UBN2: variants seen among roughly 807,000 people sequenced by gnomAD.
The protein encoded by UBN2 is ubinuclein 2.
In UBN2, 35 loss-of-function variants were observed where a neutral mutation model predicts 120.2. The observed-to-expected ratio is 0.29, with a 90% CI of 0.22 to 0.39. The LOEUF (loss-of-function observed/expected upper bound fraction) is 0.39. UBN2 is among the 10% of genes least tolerant of loss of function. The pLI is 1.00. For synonymous variants in UBN2, 661 were observed against 648.7 expected (o/e 1.02, Z -0.29); for missense variants, 1,693 against 1,663.2 (o/e 1.02, Z -0.31).
chr7:139,249,034 GTATGCA>G (rs1796547905), intron 2 of UBN2, among the ~76,000 whole-genome samples: 2 of 151,836 alleles, frequency 1.3e-5, no homozygotes, highest in African/African-American at 4.8e-5. Flanking sequence ...GTGTGTGTGT[GTATGCA>G]TGTATGCATG....
chr7:139,236,183 G>A (rs980719390), intron 1 of UBN2, among the ~76,000 whole-genome samples: 2 of 152,106 alleles, frequency 1.3e-5, no homozygotes, highest in Admixed American at 1.3e-4. Context: ...TAAATAGATG[G>A]TTAATGTGAG....
At chr7:139,244,821 T>C (rs1324659482) in intron 2 of UBN2, among the ~76,000 whole-genome samples, 2 of 152,186 alleles carry the variant, frequency 1.3e-5, no homozygotes, top group African/African-American at 4.8e-5. Context: ...CCTTTTCAAA[T>C]GCTTAGTGAA....
chr7:139,269,264 C>A, intron 7 of UBN2, 130 bp from the exon 8 acceptor site: 1 of 845,350 alleles, frequency 1.2e-6, no homozygotes, highest in Non-Finnish European at 1.7e-6. Flanking sequence ...TTATTTTTTC[C>A]ATGAAGAATA....
Position 139,302,337 on chromosome 7 carries a change from A to C in UBN2, c.*4501A>C, listed in dbSNP as rs528447035. 1.3e-5 allele frequency: 2 copies of C among 152,306 alleles called. No individual in the cohort carries two copies. Among genetic ancestry groups the C allele is most frequent in the East Asian group, 3.9e-4 (2 of 5,190 alleles). The allele number at this position is 152,306 out of a possible 1,614,324, so 9.4% of individuals were successfully genotyped here. ...ACACTCCCCTTTCCATGTTTGCAAA[A>C]CTTCTGCCTTGTTTATTCCATTGCT... On this transcript the variant is annotated 3_prime_UTR_variant, in exon 18 of 18. Transcript: ENST00000473989.
chr7:139,273,552 A>AATTG (rs938962716), intron 10 of UBN2, 142 bp downstream of exon 10: 138 of 562,900 alleles, frequency 2.5e-4, no homozygotes, highest in African/African-American at 2.4e-3. Context: ...AGAGAAGATT[A>AATTG]ATTGGGCTCT....
chr7:139,266,286 G>T, intron 6 of UBN2, 47 bp from the exon 7 acceptor site: 9 of 1,094,658 alleles, frequency 8.2e-6, no homozygotes, highest in Non-Finnish European at 1.2e-5. Context: ...ATGCAAAATA[G>T]AGTAATGGCC....
chr7:139,252,066 T>C lies in UBN2; in HGVS notation c.663+9T>C, dbSNP rs781706001. 4.3e-6 allele frequency: 7 copies of C among 1,609,922 alleles called. No homozygotes were observed. Among genetic ancestry groups the C allele is most frequent in the Admixed American group, 1.7e-5 (1 of 60,004 alleles). On this transcript the variant is annotated intron_variant, in intron 3 of 17. Coordinates refer to ENST00000473989, the MANE Select transcript of UBN2 (RefSeq NM_173569.4). ...TTGATAACTCAGAGGCTGTGAGTAA[T>C]GTATCTTTAATATAGCAGCAAATTC...
chr7:139,260,984 A>G (rs1796914589), intron 5 of UBN2, among the ~76,000 whole-genome samples: 1 of 152,192 alleles, frequency 6.6e-6, no homozygotes, highest in Non-Finnish European at 1.5e-5. Context: ...TAGGATTTAG[A>G]AAAGATTTCT....
chr7:139,240,028 A>G (rs934515467), intron 2 of UBN2, among the ~76,000 whole-genome samples: 2 of 152,234 alleles, frequency 1.3e-5, no homozygotes, highest in South Asian at 4.1e-4. Flanking sequence ...TCTGGCATAG[A>G]AAGATCAGCG....
rs749835629 is a variant in UBN2 at position 139,293,971 on chromosome 7, A to C, written c.3984A>C (p.Gln1328His). 2.9e-5 allele frequency: 46 copies of C among 1,614,036 alleles called. No homozygotes were observed. In the Admixed American group the frequency reaches 7.7e-4, roughly 27 times the overall value. The change falls in exon 17 of 18, where the codon CAA (glutamine) becomes CAC (histidine). Residue 1328 changes from glutamine to histidine, a missense_variant. Gln to His is a conservative substitution (Grantham distance 24, BLOSUM62 0). Around this residue, in one of 5 missense-constraint regions of UBN2, gnomAD observed 837 missense variants for 817.6 expected, o/e 1.02. Transcript: ENST00000473989. The part of the protein sequence containing the change: ...SHSPLPAHLQ[Q>H]AFHDGGQSKG... ...CACCTCTGCCTGCACACTTACAGCA[A>C]GCATTTCACGGTGAGAACGCCACCT... is the stretch of plus-strand genomic sequence containing the variant.
At chr7:139,311,122 A>C (rs1241612470), downstream of UBN2, among the ~76,000 whole-genome samples, 1 of 152,190 alleles carries the variant, frequency 6.6e-6, no homozygotes, top group Non-Finnish European at 1.5e-5. Flanking sequence ...TCAGTCTTTT[A>C]TTTAAGGTTT....
At chr7:139,297,181 G>A (rs1311520670) in intron 17 of UBN2, among the ~76,000 whole-genome samples, 5 of 147,214 alleles carry the variant, frequency 3.4e-5, no homozygotes, top group Non-Finnish European at 7.4e-5. Flanking sequence ...GCGACAGAGC[G>A]AGACTCCGTC....
chr7:139,294,744 G>A (rs962942548), intron 17 of UBN2, among the ~76,000 whole-genome samples: 2 of 152,158 alleles, frequency 1.3e-5, no homozygotes, highest in African/African-American at 4.8e-5. Flanking sequence ...GGGAGGCTGG[G>A]GCAGAAGATT....
In UBN2 at chr7:139,261,263, T is replaced by C; in HGVS notation, c.917T>C (p.Leu306Pro). The C allele has an allele frequency of 6.2e-7, 1 of 1,605,938 alleles. No homozygotes were observed. Among genetic ancestry groups the C allele is most frequent in the East Asian group, 2.2e-5 (1 of 44,848 alleles). Residue 306 changes from leucine to proline, a missense_variant, in exon 6 of 18, where the codon CTA becomes CCA. Transcript: ENST00000473989. Reference sequence around the variant, plus strand: ...TTTTGTCTTCACAGAGTTGTGGCTCTAAATTCACACAAGTCTGAAAAAAAG... The same window carrying C: ...TTTTGTCTTCACAGAGTTGTGGCTCCAAATTCACACAAGTCTGAAAAAAAG... Reference protein sequence around the residue: ...KVPKQLGVVALNSHKSEKKKK... With the variant: ...KVPKQLGVVAPNSHKSEKKKK...
At position 139,304,826 on chromosome 7, in the gene UBN2, T is replaced by C. The variant is rs1301864006; in HGVS notation, c.*6990T>C. On this transcript the variant is annotated 3_prime_UTR_variant, in exon 18 of 18. Transcript: ENST00000473989. ...ATATCAACTATGCAGATAAACATAC[T>C]CCTTTTTTTTTTCACATGTCCCTGT... The C allele has an allele frequency of 6.6e-6, 1 of 151,658 alleles. No individual in the cohort carries two copies. The highest frequency in any genetic ancestry group is 1.9e-4 in the East Asian group (1 of 5,184). The allele number at this position is 151,658 out of a possible 1,614,324, so 9.4% of individuals were successfully genotyped here.
intron 2 of UBN2, among the ~76,000 whole-genome samples, chr7:139,241,243 C>T (rs1796312234): frequency 6.6e-6 from 1 of 152,122 alleles, no homozygotes; most frequent in Admixed American, 6.5e-5. Flanking sequence ...CACTCCATTA[C>T]CCCAGCCGTT....
At chr7:139,273,906 C>A in intron 10 of UBN2, 25 bp from the exon 11 acceptor site, 2 of 1,551,764 alleles carry the variant, frequency 1.3e-6, no homozygotes, top group South Asian at 2.4e-5. Flanking sequence ...AAAAAAGTTT[C>A]AAATTTAATT....
the UBN2 span, among the ~76,000 whole-genome samples, chr7:139,323,645 A>T: frequency 6.6e-6 from 1 of 150,822 alleles, no homozygotes; most frequent in Non-Finnish European, 1.5e-5. Context: ...ACTGGAGTTC[A>T]GTGGCGCGAT....
rs967133402 is a variant in UBN2 at position 139,304,429 on chromosome 7, A to G, written c.*6593A>G. 6.6e-6 allele frequency: 1 copy of G among 152,230 alleles called. No individual in the cohort carries two copies. The highest frequency in any genetic ancestry group is 6.5e-5 in the Admixed American group (1 of 15,268). The allele number at this position is 152,230 out of a possible 1,614,324, so 9.4% of individuals were successfully genotyped here. On this transcript the variant is annotated 3_prime_UTR_variant, in exon 18 of 18. Coordinates refer to ENST00000473989, the MANE Select transcript of UBN2 (RefSeq NM_173569.4). ...CCTGTATATTAAGTAGTACTACTAC[A>G]TAGAATTTTCCCGTTATCGTTTAAA...
Sources: gnomAD v4.1 joint callset for allele counts (sites outside exome capture counted in the v4.1 genomes callset) on GRCh38, gnomAD v4.1.1 for gene constraint, gnomAD v4.1.1 regional missense constraint, MANE v1.5 for transcripts, NCBI Gene and HGNC (gene_info 2026-07-23, HGNC 2026-07-21) for gene names.